LZTS2: variants seen among roughly 807,000 people sequenced by gnomAD.
The protein encoded by LZTS2 is leucine zipper putative tumor suppressor 2.
A neutral mutation model predicts 60.6 loss-of-function variants in LZTS2; 32 were observed. That is an observed-to-expected ratio of 0.53 (90% CI 0.40 to 0.71). The LOEUF is 0.71. LZTS2 is among the 30% of genes least tolerant of loss of function. The pLI is 0.00. For missense variants in LZTS2, 792 were observed against 901.9 expected (o/e 0.88, Z 1.56); for synonymous variants, 360 against 393.1 (o/e 0.92, Z 1.00).
rs1271373952 is a variant in LZTS2, at chr10:101,004,057, CG to C, written c.961del (p.Asp321MetfsTer133). On this transcript the variant is annotated frameshift_variant, in exon 2 of 4. Transcript: ENST00000370220. LOFTEE classifies it high-confidence loss of function. ...CCACCACCCCCGCCTCCACCTCCTT[CG>C]GATGAGGCCCTGCTGCACTGTGTCC... 6.2e-7 allele frequency: 1 copy of C among 1,613,410 alleles called. No homozygotes were observed. Among genetic ancestry groups the C allele is most frequent in the Non-Finnish European group, 8.5e-7 (1 of 1,180,020 alleles).
intron 1 of LZTS2, 122 bp from the exon 3 acceptor site, chr10:101,003,385 G>A (rs1464762450): frequency 2.9e-6 from 3 of 1,050,982 alleles, no homozygotes; most frequent in East Asian, 2.6e-5. Context: ...ACCTCCACCA[G>A]TGGCCGCAAT....
chr10:101,003,654 C>A (rs1258486293), exon 2 of LZTS2: 1 of 1,609,694 alleles, frequency 6.2e-7, no homozygotes, highest in South Asian at 1.1e-5. Context: ...GTTTGGGGGC[C>A]CTGCCTCCTC....
chr10:101,001,427 G>A (rs757999015), exon 1 of LZTS2: 1 of 152,200 alleles, frequency 6.6e-6, no homozygotes, highest in East Asian at 1.9e-4. Context: ...TCATTTTCAT[G>A]CTCCTGTGCA....
upstream of LZTS2, among the ~76,000 whole-genome samples, chr10:100,999,284 C>A (rs1358062523): frequency 6.6e-6 from 1 of 152,186 alleles, no homozygotes; most frequent in Non-Finnish European, 1.5e-5. Flanking sequence ...GCGTCGCCTC[C>A]GCGAAGCCCA....
At chr10:100,997,896 C>T (rs561637871), upstream of LZTS2, among the ~76,000 whole-genome samples, 391 of 152,348 alleles carry the variant, frequency 2.6e-3, 1 homozygote, top group Middle Eastern at 6.8e-3. Context: ...GGCTGCTGGG[C>T]AGGGCTGGGG....
exon 1 of LZTS2, chr10:100,999,985 G>A (rs981877916): frequency 6.5e-6 from 1 of 153,136 alleles, no homozygotes; most frequent in Non-Finnish European, 1.5e-5. Flanking sequence ...GGCGGCCTGG[G>A]GAGCCCCCAA....
chr10:101,004,758 G>A (rs1375664011), intron 2 of LZTS2, among the ~76,000 whole-genome samples: 1 of 152,194 alleles, frequency 6.6e-6, no homozygotes, highest in Non-Finnish European at 1.5e-5. Context: ...AGCTTCGTAG[G>A]ATTATTATGA....
chr10:101,005,703 G>A (rs1252008205), exon 3 of LZTS2: 1 of 1,576,498 alleles, frequency 6.3e-7, no homozygotes. Flanking sequence ...GGCTTGAGGA[G>A]ACCAAGTGGG....
intron 2 of LZTS2, among the ~76,000 whole-genome samples, chr10:101,005,222 G>A (rs1215189926): frequency 7.9e-5 from 12 of 152,040 alleles, no homozygotes; most frequent in Non-Finnish European, 1.5e-5. Flanking sequence ...GGCTGGTCTC[G>A]AACTCCGGAG....
At chr10:101,003,453 G>A in intron 1 of LZTS2, 54 bp from the exon 3 acceptor site, 1 of 1,501,216 alleles carries the variant, frequency 6.7e-7, no homozygotes, top group Admixed American at 2.3e-5. Flanking sequence ...GTGTCATAAG[G>A]GCTCTGCAAG....
chr10:101,007,689 A>C, exon 4 of LZTS2: 1 of 1,049,562 alleles, frequency 9.5e-7, no homozygotes, highest in Non-Finnish European at 1.2e-6. Flanking sequence ...GAACTCAGAA[A>C]TGTCTTGTTT....
chr10:101,006,797 G>A (rs532149476), exon 4 of LZTS2: 37 of 1,546,652 alleles, frequency 2.4e-5, no homozygotes, highest in South Asian at 3.7e-5. Flanking sequence ...ACCTGCCACC[G>A]CTGACCCATT....
exon 1 of LZTS2, chr10:101,002,683 G>A (rs757025260): frequency 3.1e-5 from 50 of 1,609,136 alleles, no homozygotes; most frequent in African/African-American, 6.7e-5. Context: ...CCGCCACCAC[G>A]GCCCTCCTGG....
At position 101,002,322 on chromosome 10, in the gene LZTS2, T is replaced by C. The variant is rs973007161; in HGVS notation, c.-217T>C. ...CTCCTCAGCCCTGTTCAGACCAGCATTGGGCAGTGTGGTTTGGGGCCCAGG... is the reference window on the plus strand; with the variant it reads ...CTCCTCAGCCCTGTTCAGACCAGCACTGGGCAGTGTGGTTTGGGGCCCAGG... On this transcript the variant is annotated 5_prime_UTR_variant, in exon 1 of 4. Coordinates refer to ENST00000370220, the Ensembl canonical transcript of LZTS2. The C allele has an allele frequency of 2.3e-5, 11 of 468,314 alleles. No homozygotes were observed. In the East Asian group the frequency reaches 3.4e-4, roughly 15 times the overall value. The allele number at this position is 468,314 out of a possible 1,614,324, so 29.0% of individuals were successfully genotyped here.
exon 1 of LZTS2, chr10:101,001,329 A>G (rs1030064069): frequency 9.2e-5 from 14 of 152,276 alleles, no homozygotes; most frequent in African/African-American, 3.4e-4. Flanking sequence ...GAATTCACAC[A>G]TGAACTCATA....
At position 101,005,107 on chromosome 10, in the gene LZTS2, A is replaced by C. The variant is rs531336251; in HGVS notation, c.1069-351A>C. On this transcript the variant is annotated intron_variant, in intron 2 of 3. Transcript: ENST00000370220. ...TAGCCTCAACCCCCTGGGCTCAAGC[A>C]GTCCTCTCACCCCAGCCTCCCAAGT... Among the ~76,000 whole-genome samples the C allele has an allele frequency of 3.3e-5, 5 of 152,164 alleles. 1 individual carries two copies. In the South Asian group the frequency reaches 1.0e-3, roughly 32 times the overall value.
exon 4 of LZTS2, chr10:101,007,123 G>C: frequency 6.2e-7 from 1 of 1,609,348 alleles, no homozygotes; most frequent in Non-Finnish European, 8.5e-7. Context: ...TGGCCGAGCA[G>C]GCCCCCTGCA....
At chr10:101,007,252 G>T (rs533750448) in exon 4 of LZTS2, 1 of 1,439,284 alleles carries the variant, frequency 6.9e-7, no homozygotes, top group African/African-American at 1.4e-5. Flanking sequence ...TCCACGGATG[G>T]CCCCAAAGGC....
chr10:101,006,888 G>A lies in LZTS2; in HGVS notation c.1730G>A (p.Arg577Gln), dbSNP rs374844284. The change falls in exon 4 of 4, where the codon CGA becomes CAA. Residue 577 changes from arginine to glutamine, a missense_variant. Coordinates refer to ENST00000370220, the Ensembl canonical transcript of LZTS2. ...GGCAGCTTGCGGGCCCAGGTGGAGC[G>A]ATTGCGGGTGGAGCTGCAGCGGGAG... 2.3e-4 allele frequency: 346 copies of A among 1,532,594 alleles called. No individual in the cohort carries two copies. The highest frequency in any genetic ancestry group is 3.0e-4 in the Non-Finnish European group (337 of 1,136,134). The allele number at this position is 1,532,594 out of a possible 1,614,324, so 94.9% of individuals were successfully genotyped here.
Sources: allele counts gnomAD v4.1 joint callset (sites outside exome capture counted in the v4.1 genomes callset), GRCh38; gene constraint gnomAD v4.1.1; transcripts MANE v1.5; gene names NCBI Gene and HGNC (gene_info 2026-07-23, HGNC 2026-07-21).